The following CUEDC1 variants were observed in gnomAD, a reference collection of about 807,000 sequenced individuals.
The protein encoded by CUEDC1 is CUE domain-containing protein 1.
In CUEDC1, 30 loss-of-function variants were observed where a neutral mutation model predicts 43.7. The ratio of observed to expected loss-of-function variants is 0.69; its 90% confidence interval spans 0.51 to 0.93. CUEDC1 has a LOEUF of 0.93. Ranked by LOEUF, CUEDC1 falls within the 40% of genes least tolerant of loss-of-function variation. The pLI is 0.00. For synonymous variants in CUEDC1, 223 were observed against 223.6 expected, an observed-to-expected ratio of 1.00 and a Z score of 0.02; for missense variants, 486 against 549.0, an observed-to-expected ratio of 0.89 and a Z score of 1.15.
At chr17:57,891,825 C>T (rs1469182668) in intron 1 of CUEDC1, among the ~76,000 whole-genome samples, 2 of 152,184 alleles carry the variant, frequency 1.3e-5, no homozygotes. Flanking sequence ...GTGGCAAGTC[C>T]ACCCCCCAAC....
chr17:57,866,492 C>T lies in CUEDC1; in HGVS notation c.1146G>A (p.Leu382=). The T allele has an allele frequency of 6.8e-6, 11 of 1,614,234 alleles. No individual in the cohort carries two copies. The highest frequency in any genetic ancestry group is 9.3e-6 in the Non-Finnish European group (11 of 1,180,028). The change falls in exon 10 of 11, where the codon CTG becomes CTA. Residue 382 remains leucine (L), a synonymous_variant. Coordinates refer to ENST00000577830, the MANE Select transcript of CUEDC1 (RefSeq NM_001271875.2). ...GCCTTACCTCTTACTGTCCTTCTCG[C>T]AGGCCTTCCTCCACCTTGGGTGCCT... ...RQEAPKVEEG[L]REGQ
intron 1 of CUEDC1, among the ~76,000 whole-genome samples, chr17:57,890,821 C>CA (rs1246874586): frequency 6.6e-6 from 1 of 152,220 alleles, no homozygotes; most frequent in African/African-American, 2.4e-5. Context: ...CGAGGGTCTG[C>CA]ATGGGGGCTA....
chr17:57,893,346 G>GGTGTGTGTGTGTGTGTGTGT (rs1456034263), intron 1 of CUEDC1, among the ~76,000 whole-genome samples: 7 of 89,994 alleles, frequency 7.8e-5, no homozygotes, highest in African/African-American at 1.5e-4. Context: ...AGGCTCTCAG[G>GGTGTGTGTGTGTGTGTGTGT]GTATGTGTGT....
intron 1 of CUEDC1, among the ~76,000 whole-genome samples, chr17:57,946,770 T>G (rs2074963347): frequency 6.6e-6 from 1 of 151,760 alleles, no homozygotes; most frequent in Non-Finnish European, 1.5e-5. Flanking sequence ...TGGGTGGGGG[T>G]TTTGTCCTTT....
intron 2 of CUEDC1, among the ~76,000 whole-genome samples, chr17:57,884,062 G>T (rs1597981696): frequency 6.6e-6 from 1 of 152,152 alleles, no homozygotes; most frequent in Non-Finnish European, 1.5e-5. Context: ...CTTCCCTGGA[G>T]AGACTGCTTG....
chr17:57,919,918 A>C (rs938270353), intron 1 of CUEDC1, among the ~76,000 whole-genome samples: 31 of 152,228 alleles, frequency 2.0e-4, no homozygotes, highest in African/African-American at 7.2e-4. Flanking sequence ...TGGCTTGGAC[A>C]AATTGATGGT....
intron 1 of CUEDC1, among the ~76,000 whole-genome samples, chr17:57,913,740 G>A (rs762800587): frequency 1.4e-4 from 21 of 152,106 alleles, no homozygotes; most frequent in Non-Finnish European, 2.6e-4. Context: ...GTCCTCCAGG[G>A]ACCTGCTGAT....
intron 1 of CUEDC1, among the ~76,000 whole-genome samples, chr17:57,922,851 G>A (rs903467103): frequency 1.3e-5 from 2 of 151,160 alleles, no homozygotes; most frequent in Non-Finnish European, 2.9e-5. Context: ...CTGCACATTA[G>A]AATCACCCAG....
chr17:57,920,395 C>T (rs2074686700), intron 1 of CUEDC1, among the ~76,000 whole-genome samples: 1 of 152,102 alleles, frequency 6.6e-6, no homozygotes, highest in Non-Finnish European at 1.5e-5. Flanking sequence ...GGTAATATTA[C>T]TATGTTTGCT....
At position 57,872,792 on chromosome 17, in the gene CUEDC1, C is replaced by A. The variant is rs767637665; in HGVS notation, c.655G>T (p.Gly219Trp). 1.9e-6 allele frequency: 3 copies of A among 1,614,222 alleles called. No homozygotes were observed. In the South Asian group the frequency reaches 3.3e-5, roughly 18 times the overall value. Residue 219 changes from glycine (G) to tryptophan (W), a missense_variant, in exon 5 of 11, where the codon GGG (glycine) becomes TGG (tryptophan). Transcript: ENST00000577830. ...CAGCGGCTCTCCTGGTCTCCGGGCC[C>A]TGGCCCAGCCATGGCAGGTGGACAT... ...EGCPPAMAGP[G>W]PGDQESRWKQ...
rs777598269 is a variant in CUEDC1 at position 57,886,817 on chromosome 17, G to GTTTTTTTT, written c.-315-946_-315-939dup. ...ACCATATACATCATAAATTCTGGTT[G>GTTTTTTTT]TTTTTTTTTTTTTTTTTTTGAGACG... On this transcript the variant is annotated intron_variant, in intron 1 of 10. Transcript: ENST00000577830. 3.4e-5 allele frequency among the ~76,000 whole-genome samples: 4 copies of GTTTTTTTT among 118,502 alleles called. 1 individual carries two copies. The highest frequency in any genetic ancestry group is 7.0e-5 in the Non-Finnish European group (4 of 57,332). The allele number at this position is 118,502 out of a possible 152,430, so 77.7% of individuals were successfully genotyped here. A position where few individuals can be genotyped will look rare whatever the true frequency, so the allele number is the denominator to read the frequency against.
chr17:57,909,102 AAATTTT>A (rs1327449401), intron 1 of CUEDC1, among the ~76,000 whole-genome samples: 3 of 152,166 alleles, frequency 2.0e-5, no homozygotes, highest in African/African-American at 7.2e-5. Flanking sequence ...ATGACAATAA[AAATTTT>A]AATTTTAATT....
chr17:57,908,010 T>A (rs1421393979), intron 1 of CUEDC1, among the ~76,000 whole-genome samples: 1 of 152,080 alleles, frequency 6.6e-6, no homozygotes, highest in African/African-American at 2.4e-5. Context: ...CTGAACACCG[T>A]TGTGACTGGA....
At chr17:57,924,784 C>G (rs1379083340) in intron 1 of CUEDC1, among the ~76,000 whole-genome samples, 1 of 152,230 alleles carries the variant, frequency 6.6e-6, no homozygotes. Context: ...ACAGCCAGGT[C>G]CCTCCTGCTA....
chr17:57,937,757 T>C (rs2074875879), intron 1 of CUEDC1, among the ~76,000 whole-genome samples: 1 of 151,774 alleles, frequency 6.6e-6, no homozygotes, highest in Non-Finnish European at 1.5e-5. Context: ...ATTTTTAAAA[T>C]TAGTCAGGCA....
intron 1 of CUEDC1, among the ~76,000 whole-genome samples, chr17:57,947,527 G>A (rs936918542): frequency 2.0e-5 from 3 of 152,122 alleles, no homozygotes; most frequent in Admixed American, 6.5e-5. Context: ...AGCCAGGCAC[G>A]GTGGCTCACA....
At chr17:57,934,065 G>A (rs1049436843) in intron 1 of CUEDC1, among the ~76,000 whole-genome samples, 5 of 152,110 alleles carry the variant, frequency 3.3e-5, no homozygotes, top group African/African-American at 1.2e-4. Context: ...AGACCAGCCT[G>A]GGCTGGGCAA....
At chr17:57,935,780 A>G (rs1434291187) in intron 1 of CUEDC1, among the ~76,000 whole-genome samples, 1 of 152,044 alleles carries the variant, frequency 6.6e-6, no homozygotes, top group East Asian at 1.9e-4. Context: ...TCCCACCCCA[A>G]TTCCTTCCTA....
At chr17:57,940,572 C>CA (rs2074908581) in intron 1 of CUEDC1, among the ~76,000 whole-genome samples, 1 of 152,100 alleles carries the variant, frequency 6.6e-6, no homozygotes, top group South Asian at 2.1e-4. Context: ...TTTCCACGAG[C>CA]AAAAAATAAA....
Sources: gnomAD v4.1 joint callset for allele counts (sites outside exome capture counted in the v4.1 genomes callset) on GRCh38, gnomAD v4.1.1 for gene constraint, MANE v1.5 for transcripts, NCBI Gene and HGNC (gene_info 2026-07-23, HGNC 2026-07-21) for gene names.